Variants in PPP1R36 observed in about 807,000 individuals in gnomAD.
PPP1R36 encodes the protein chromosome 14 open reading frame 50.
A neutral mutation model predicts 53.4 loss-of-function variants in PPP1R36; 47 were observed. The ratio of observed to expected loss-of-function variants is 0.88; its 90% CI spans 0.70 to 1.12. PPP1R36 has a LOEUF of 1.12. Ranked by LOEUF, PPP1R36 falls within the 50% of genes most tolerant of loss-of-function variation. The pLI is 0.00. For synonymous variants in PPP1R36, 153 were observed against 170.5 expected (o/e 0.90, Z 0.80); for missense variants, 456 against 513.9 (o/e 0.89, Z 1.09).
At chr14:64,551,139 G>A (rs903785901) in intron 2 of PPP1R36, among the ~76,000 whole-genome samples, 154 bp downstream of exon 2, 2 of 152,138 alleles carry the variant, frequency 1.3e-5, no homozygotes, top group African/African-American at 2.4e-5. Context: ...TTCTCTGAAC[G>A]CTTACCAGCT....
chr14:64,579,997 A>T (rs774487002), intron 8 of PPP1R36, among the ~76,000 whole-genome samples: 2 of 151,344 alleles, frequency 1.3e-5, no homozygotes, highest in African/African-American at 2.4e-5. Context: ...AAACAAAAAC[A>T]TGCTCTTAAG....
intron 7 of PPP1R36, among the ~76,000 whole-genome samples, chr14:64,571,622 ATAAGT>A (rs771907076): frequency 1.6e-4 from 24 of 152,186 alleles, no homozygotes; most frequent in Non-Finnish European, 3.1e-4. Context: ...AGACTCACTC[ATAAGT>A]TAGGTTAATA....
chr14:64,584,116 G>T (rs2080412825), intron 8 of PPP1R36, among the ~76,000 whole-genome samples: 1 of 151,956 alleles, frequency 6.6e-6, no homozygotes, highest in South Asian at 2.1e-4. Flanking sequence ...TGGCCAGGCT[G>T]GTCTTGAACT....
In PPP1R36 at chr14:64,550,327, T is replaced by C. The variant is rs77441356; in HGVS notation, c.69+261T>C. On this transcript the variant is annotated intron_variant, in intron 1 of 11. Transcript: ENST00000298705. ...CGAAATCCCACCTCACCACCTCTAATTGGTTGGTTGCAAAATAGGGAGACC... is the reference window on the plus strand; with the variant it reads ...CGAAATCCCACCTCACCACCTCTAACTGGTTGGTTGCAAAATAGGGAGACC... 1,939 of 1,265,340 alleles carry C rather than the reference T, an allele frequency of 1.5e-3. 22 individuals are homozygous for C. In the African/African-American group the frequency reaches 0.028, roughly 18 times the overall value. The allele number at this position is 1,265,340 out of a possible 1,614,324, so 78.4% of individuals were successfully genotyped here. A position where few individuals can be genotyped will look rare whatever the true frequency, so the allele number is the denominator to read the frequency against.
intron 8 of PPP1R36, among the ~76,000 whole-genome samples, chr14:64,578,835 T>G (rs773928885): frequency 2.6e-5 from 4 of 152,176 alleles, no homozygotes; most frequent in Admixed American, 2.6e-4. Context: ...CTGTTCACAA[T>G]AGCAAAGACA....
intron 3 of PPP1R36, among the ~76,000 whole-genome samples, chr14:64,555,011 C>T (rs748606902): frequency 6.6e-6 from 1 of 151,986 alleles, no homozygotes; most frequent in Admixed American, 6.6e-5. Context: ...TAGGAAATAC[C>T]TACTTAAAAA....
At chr14:64,583,811 CA>C (rs529491293) in intron 8 of PPP1R36, among the ~76,000 whole-genome samples, 1,039 of 30,060 alleles carry the variant, frequency 0.035, 3 homozygotes, top group South Asian at 0.062. Context: ...AACTCCATCT[CA>C]AAAAAAAAAA....
At chr14:64,565,922 T>C (rs2080250228) in intron 6 of PPP1R36, among the ~76,000 whole-genome samples, 1 of 152,188 alleles carries the variant, frequency 6.6e-6, no homozygotes, top group Non-Finnish European at 1.5e-5. Flanking sequence ...ATGGAGAGCA[T>C]GCTGTCAGAG....
chr14:64,563,520 T>C (rs2080224191), intron 3 of PPP1R36, among the ~76,000 whole-genome samples: 1 of 151,730 alleles, frequency 6.6e-6, no homozygotes, highest in African/African-American at 2.4e-5. Context: ...TGAGGTAATA[T>C]TATGTACATG....
intron 7 of PPP1R36, among the ~76,000 whole-genome samples, chr14:64,571,498 T>C (rs1027797239): frequency 6.6e-6 from 1 of 152,186 alleles, no homozygotes; most frequent in Non-Finnish European, 1.5e-5. Context: ...TAATTTTTAA[T>C]GGTAGCATAG....
intron 7 of PPP1R36, among the ~76,000 whole-genome samples, chr14:64,568,876 C>A (rs902953021): frequency 1.3e-5 from 2 of 151,796 alleles, no homozygotes; most frequent in African/African-American, 4.8e-5. Context: ...CTATTTTATA[C>A]CTATAATATA....
At chr14:64,580,039 C>A (rs558902149) in intron 8 of PPP1R36, among the ~76,000 whole-genome samples, 1 of 152,348 alleles carries the variant, frequency 6.6e-6, no homozygotes, top group South Asian at 2.1e-4. Context: ...GTGGCTCATG[C>A]CTGTAATCCC....
At chr14:64,578,817 C>T (rs10873175) in intron 8 of PPP1R36, among the ~76,000 whole-genome samples, 106,140 of 152,172 alleles carry the variant, frequency 0.7, 39,100 homozygotes, top group East Asian at 0.86. Context: ...CAAATGTTCA[C>T]TGCAGCACTG....
chr14:64,567,905 T>TG (rs1195343262), intron 6 of PPP1R36, among the ~76,000 whole-genome samples: 1 of 152,100 alleles, frequency 6.6e-6, no homozygotes. Flanking sequence ...CCACCCACCT[T>TG]GGCCTCCCAA....
chr14:64,552,614 G>A, intron 2 of PPP1R36, 200 bp from the exon 3 acceptor site: 1 of 509,222 alleles, frequency 2.0e-6, no homozygotes, highest in Non-Finnish European at 3.6e-6. Context: ...AGTTGGCTAA[G>A]CAGACATACA....
chr14:64,577,011 G>A (rs1483068250), intron 8 of PPP1R36, among the ~76,000 whole-genome samples: 1 of 152,192 alleles, frequency 6.6e-6, no homozygotes, highest in Non-Finnish European at 1.5e-5. Flanking sequence ...ACCATAGACA[G>A]GGTGGCTTAT....
intron 8 of PPP1R36, among the ~76,000 whole-genome samples, chr14:64,575,796 G>A (rs570678699): frequency 2.1e-4 from 32 of 151,692 alleles, no homozygotes; most frequent in African/African-American, 7.3e-4. Flanking sequence ...GACTACAGGC[G>A]CCCGCCACCA....
At chr14:64,562,386 G>A (rs549156437) in intron 3 of PPP1R36, among the ~76,000 whole-genome samples, 3 of 152,192 alleles carry the variant, frequency 2.0e-5, no homozygotes, top group South Asian at 2.1e-4. Context: ...GCTTGAACCC[G>A]GGATGAAGAG....
chr14:64,585,709 T>C (rs1177884056), intron 8 of PPP1R36, among the ~76,000 whole-genome samples: 1 of 152,112 alleles, frequency 6.6e-6, no homozygotes, highest in Non-Finnish European at 1.5e-5. Flanking sequence ...ATGATCACAC[T>C]ACTGCACTCC....
Sources: gnomAD v4.1 joint callset for allele counts (sites outside exome capture counted in the v4.1 genomes callset) on GRCh38, gnomAD v4.1.1 for gene constraint, MANE v1.5 for transcripts, NCBI Gene and HGNC (gene_info 2026-07-23, HGNC 2026-07-21) for gene names.